Variants in CCDC192 observed in about 807,000 individuals in gnomAD.
CCDC192 encodes coiled-coil domain containing 192, also known as coiled-coil domain-containing protein 192.
At chr5:127,751,698 C>T (rs1179090923) in intron 2 of CCDC192, among the ~76,000 whole-genome samples, 3 of 151,914 alleles carry the variant, frequency 2.0e-5, no homozygotes, top group Non-Finnish European at 2.9e-5. Context: ...TGGATAATAT[C>T]CTGCAGAGTG....
Position 127,883,932 on chromosome 5 carries a change from C to T in CCDC192, c.535+8271C>T, listed in dbSNP as rs17165100. On this transcript the variant is annotated intron_variant, in intron 6 of 6. Coordinates refer to ENST00000514853, the MANE Select transcript of CCDC192 (RefSeq NM_001317938.2). The stretch of plus-strand genomic sequence containing the variant: ...GAACCGCGGGCTTTCTAGACTCCTC[C>T]GATGGCCCCTCCTTGCCTATTGACC... Among the ~76,000 whole-genome samples the T allele has an allele frequency of 5.5e-3, 842 of 152,250 alleles. 13 individuals carry two copies. The highest frequency in any genetic ancestry group is 0.019 in the African/African-American group (796 of 41,560).
chr5:127,900,309 A>C (rs1402009862), intron 6 of CCDC192, among the ~76,000 whole-genome samples: 2 of 152,202 alleles, frequency 1.3e-5, no homozygotes, highest in African/African-American at 4.8e-5. Flanking sequence ...GTAGCATCCT[A>C]AACTCAGATG....
intron 5 of CCDC192, among the ~76,000 whole-genome samples, chr5:127,859,165 G>A (rs965582569): frequency 3.3e-5 from 5 of 152,116 alleles, no homozygotes; most frequent in African/African-American, 1.2e-4. Context: ...TGCCTGAGAT[G>A]TTTATGTAGA....
At chr5:127,807,832 T>C (rs1430624598) in intron 5 of CCDC192, among the ~76,000 whole-genome samples, 1 of 152,118 alleles carries the variant, frequency 6.6e-6, no homozygotes, top group African/African-American at 2.4e-5. Flanking sequence ...TTTTCAGATA[T>C]GTAACTTAAA....
intron 1 of CCDC192, among the ~76,000 whole-genome samples, chr5:127,707,489 C>G (rs759846175): frequency 6.6e-6 from 1 of 151,938 alleles, no homozygotes; most frequent in Admixed American, 6.5e-5. Context: ...CTCAAGAGAA[C>G]TTTTAAAGGC....
chr5:127,769,877 C>A (rs541426695), intron 3 of CCDC192, among the ~76,000 whole-genome samples: 2 of 152,054 alleles, frequency 1.3e-5, no homozygotes, highest in African/African-American at 4.8e-5. Context: ...AGGCTGCTGG[C>A]AGCCCTCTTC....
chr5:127,822,966 G>A (rs1022110761), intron 5 of CCDC192, among the ~76,000 whole-genome samples: 2 of 152,092 alleles, frequency 1.3e-5, no homozygotes, highest in East Asian at 3.9e-4. Context: ...GGTTTCCAGG[G>A]AGAGAAAGAA....
chr5:127,911,919 C>A (rs1753368694), intron 6 of CCDC192, among the ~76,000 whole-genome samples: 1 of 151,528 alleles, frequency 6.6e-6, no homozygotes, highest in African/African-American at 2.4e-5. Context: ...TATCTCCCAC[C>A]TCTCACCAAA....
At chr5:127,810,966 G>A (rs1758048387) in intron 5 of CCDC192, among the ~76,000 whole-genome samples, 1 of 152,170 alleles carries the variant, frequency 6.6e-6, no homozygotes, top group Non-Finnish European at 1.5e-5. Context: ...CCATGCCTAT[G>A]GGCCCATTCA....
At chr5:127,704,622 GTTTA>G (rs1478375314) in intron 1 of CCDC192, among the ~76,000 whole-genome samples, 1 of 152,078 alleles carries the variant, frequency 6.6e-6, no homozygotes, top group African/African-American at 2.4e-5. Context: ...GTAAAATGTT[GTTTA>G]TTTGTGCAAA....
chr5:127,828,113 G>T (rs1233615491), intron 5 of CCDC192, among the ~76,000 whole-genome samples: 1 of 152,124 alleles, frequency 6.6e-6, no homozygotes, highest in Non-Finnish European at 1.5e-5. Context: ...CACCATGTTG[G>T]CCAGGCTGGT....
At chr5:127,711,379 A>T (rs248740) in intron 2 of CCDC192, among the ~76,000 whole-genome samples, 48,268 of 152,068 alleles carry the variant, frequency 0.32, 7,898 homozygotes, top group South Asian at 0.43. Flanking sequence ...TTTGGTTTTT[A>T]ATTTGTAAGA....
chr5:127,875,948 G>C (rs1364093633), intron 6 of CCDC192, among the ~76,000 whole-genome samples: 1 of 152,004 alleles, frequency 6.6e-6, no homozygotes, highest in African/African-American at 2.4e-5. Flanking sequence ...GTGGTAGCAG[G>C]GGGAGGGCAG....
intron 5 of CCDC192, among the ~76,000 whole-genome samples, chr5:127,803,640 C>T (rs1159798231): frequency 6.6e-6 from 1 of 152,160 alleles, no homozygotes; most frequent in Non-Finnish European, 1.5e-5. Context: ...TTCACTCCTT[C>T]GTGGATGACC....
chr5:127,907,520 TATAA>T (rs1462555494), intron 6 of CCDC192, among the ~76,000 whole-genome samples: 1 of 152,192 alleles, frequency 6.6e-6, no homozygotes, highest in Non-Finnish European at 1.5e-5. Flanking sequence ...GAGAGACTAA[TATAA>T]ATAGATGTTA....
chr5:127,823,106 C>T (rs1377045238), intron 5 of CCDC192, among the ~76,000 whole-genome samples: 1 of 152,214 alleles, frequency 6.6e-6, no homozygotes, highest in Non-Finnish European at 1.5e-5. Flanking sequence ...CCTGCTACTC[C>T]CCAAAAGCAT....
chr5:127,711,763 T>C (rs552671295), intron 2 of CCDC192, among the ~76,000 whole-genome samples: 2 of 152,308 alleles, frequency 1.3e-5, no homozygotes, highest in East Asian at 3.9e-4. Flanking sequence ...AAATTGTATA[T>C]GTATCTATAT....
chr5:127,795,146 C>T (rs2126963479), intron 3 of CCDC192, among the ~76,000 whole-genome samples: 2 of 152,032 alleles, frequency 1.3e-5, no homozygotes, highest in East Asian at 3.9e-4. Context: ...AAGAATTAGC[C>T]AGGCGTGGTG....
At chr5:127,916,607 A>G (rs746578665) in intron 6 of CCDC192, among the ~76,000 whole-genome samples, 1 of 152,282 alleles carries the variant, frequency 6.6e-6, no homozygotes, top group African/African-American at 2.4e-5. Context: ...TGAAAACAAC[A>G]TTAGTCTCCT....
Sources: gnomAD v4.1 joint callset for allele counts (sites outside exome capture counted in the v4.1 genomes callset) on GRCh38, gnomAD v4.1.1 for gene constraint, MANE v1.5 for transcripts, NCBI Gene and HGNC (gene_info 2026-07-23, HGNC 2026-07-21) for gene names.